Variants in TCERG1L observed in about 807,000 individuals in gnomAD.
The protein encoded by TCERG1L is transcription elongation regulator 1-like protein.
TCERG1L carries 37 observed loss-of-function variants against 56.3 expected under a neutral mutation model. The ratio of observed to expected loss-of-function variants is 0.66; its 90% CI spans 0.51 to 0.87. The LOEUF (loss-of-function observed/expected upper bound fraction) is 0.87, where lower values mean the gene tolerates loss of function less well. Among genes scored for constraint, TCERG1L ranks in the 40% least tolerant of loss-of-function variants. The pLI is 0.00. For synonymous variants in TCERG1L, 324 were observed against 326.3 expected, an observed-to-expected ratio of 0.99 and a Z score of 0.08; for missense variants, 799 against 774.2, an observed-to-expected ratio of 1.03 and a Z score of -0.38.
chr10:131,148,627 T>C (rs1845828985), intron 6 of TCERG1L, among the ~76,000 whole-genome samples: 3 of 151,028 alleles, frequency 2.0e-5, no homozygotes, highest in African/African-American at 4.9e-5. Context: ...GAGACACACA[T>C]GCACACACAC....
chr10:131,095,450 C>T (rs1481848473), intron 11 of TCERG1L: 1 of 152,220 alleles, frequency 6.6e-6, no homozygotes, highest in Non-Finnish European at 1.5e-5. Flanking sequence ...CAGGAGGCTA[C>T]ACAGCCTCAG....
intron 3 of TCERG1L, among the ~76,000 whole-genome samples, chr10:131,292,075 C>T (rs1226852926): frequency 6.6e-6 from 1 of 152,228 alleles, no homozygotes; most frequent in East Asian, 1.9e-4. Context: ...AGTATATAAC[C>T]AAGTAGGATT....
In TCERG1L at chr10:131,116,889, C is replaced by T. The variant is rs760903688; in HGVS notation, c.1305G>A (p.Glu435=). ...GGGGCGGCGTCCTTGTGCCTTTGTC[C>T]TCTCTCTTTGCCTCCTCTGGCTTGG... ...GSPKPEEAKR[E]DKGTRTPPPQ... Residue 435 remains glutamate (E), a synonymous_variant, in exon 9 of 12, where the codon GAG becomes GAA. Coordinates refer to ENST00000368642, the MANE Select transcript of TCERG1L (RefSeq NM_174937.4). 2.8e-5 allele frequency: 45 copies of T among 1,603,736 alleles called. No homozygotes were observed. The Admixed American group carries it at 7.3e-4, about 26-fold the overall frequency.
chr10:131,212,310 C>T (rs182482989), intron 4 of TCERG1L, among the ~76,000 whole-genome samples: 8 of 152,344 alleles, frequency 5.3e-5, no homozygotes, highest in African/African-American at 1.9e-4. Flanking sequence ...AGGGAGCATC[C>T]TTTTTGGTGT....
At chr10:131,168,228 G>A (rs900955293) in intron 4 of TCERG1L, among the ~76,000 whole-genome samples, 13 of 152,314 alleles carry the variant, frequency 8.5e-5, no homozygotes, top group Middle Eastern at 6.8e-3. Flanking sequence ...CAAGCTACAC[G>A]TCTGTGCTTG....
chr10:131,281,019 A>T (rs1846446142), intron 3 of TCERG1L, among the ~76,000 whole-genome samples: 1 of 152,228 alleles, frequency 6.6e-6, no homozygotes, highest in African/African-American at 2.4e-5. Context: ...GTCATTTTTA[A>T]AAGGCATTAT....
At chr10:131,205,335 C>T (rs1048101141) in intron 4 of TCERG1L, among the ~76,000 whole-genome samples, 2 of 146,626 alleles carry the variant, frequency 1.4e-5, no homozygotes, top group East Asian at 2.0e-4. Context: ...AGCTATGAAA[C>T]CTAAACAGGT....
At chr10:131,137,808 CT>C (rs1387001542) in intron 7 of TCERG1L, among the ~76,000 whole-genome samples, 1 of 152,146 alleles carries the variant, frequency 6.6e-6, no homozygotes, top group African/African-American at 2.4e-5. Context: ...ATTTAACAGA[CT>C]TAGAGAATAC....
intron 11 of TCERG1L, among the ~76,000 whole-genome samples, chr10:131,098,085 C>T (rs1431936628): frequency 2.6e-5 from 4 of 152,134 alleles, no homozygotes. Flanking sequence ...AGCAAATAGC[C>T]CACTTTCCCA....
intron 10 of TCERG1L, among the ~76,000 whole-genome samples, chr10:131,101,578 G>A (rs943499185): frequency 4.6e-5 from 7 of 152,116 alleles, no homozygotes; most frequent in Non-Finnish European, 7.4e-5. Context: ...TGCCACACAC[G>A]CCACACACGC....
At chr10:131,274,202 T>C (rs1397249174) in intron 3 of TCERG1L, among the ~76,000 whole-genome samples, 1 of 152,108 alleles carries the variant, frequency 6.6e-6, no homozygotes, top group Non-Finnish European at 1.5e-5. Flanking sequence ...TTTCAGAAAA[T>C]ATCCACATTT....
chr10:131,203,619 A>T (rs1845479056), intron 4 of TCERG1L, among the ~76,000 whole-genome samples: 1 of 152,170 alleles, frequency 6.6e-6, no homozygotes, highest in Admixed American at 6.5e-5. Flanking sequence ...ACCGCAAACG[A>T]TTCAGGGACA....
intron 3 of TCERG1L, among the ~76,000 whole-genome samples, chr10:131,291,504 G>A (rs1229162354): frequency 7.8e-6 from 1 of 128,496 alleles, no homozygotes; most frequent in Non-Finnish European, 1.6e-5. Flanking sequence ...TCGGCTCACT[G>A]CAAGCTCCGC....
intron 4 of TCERG1L, among the ~76,000 whole-genome samples, chr10:131,202,918 C>T (rs1312701540): frequency 6.6e-6 from 1 of 152,124 alleles, no homozygotes; most frequent in African/African-American, 2.4e-5. Context: ...TCTGTGGAAA[C>T]GTACACCTCA....
intron 4 of TCERG1L, among the ~76,000 whole-genome samples, chr10:131,206,334 G>T (rs1042110527): frequency 4.6e-5 from 7 of 152,128 alleles, no homozygotes; most frequent in African/African-American, 1.7e-4. Context: ...CTCCAAGGGG[G>T]TCCTGGAGTG....
intron 3 of TCERG1L, among the ~76,000 whole-genome samples, chr10:131,266,242 T>G (rs1846284505): frequency 6.6e-6 from 1 of 152,228 alleles, no homozygotes; most frequent in African/African-American, 2.4e-5. Flanking sequence ...TCTTGCTGTT[T>G]CCACCACATC....
chr10:131,100,746 G>A (rs920586985), intron 10 of TCERG1L, among the ~76,000 whole-genome samples: 9 of 152,188 alleles, frequency 5.9e-5, no homozygotes, highest in African/African-American at 2.2e-4. Flanking sequence ...CCATGAAAAC[G>A]CTGTGTGACA....
In TCERG1L at chr10:131,111,625, G is replaced by A. The variant is rs919273565; in HGVS notation, c.1395+5174C>T. On this transcript the variant is annotated intron_variant, in intron 9 of 11. Coordinates refer to ENST00000368642, the MANE Select transcript of TCERG1L (RefSeq NM_174937.4). ...ACAATTACCCTCTCTCAATGACCCT[G>A]CAGCTGGACCTTTGAAATACGGTCA... 4.9e-5 allele frequency among the ~76,000 whole-genome samples: 7 copies of A among 142,640 alleles called. 1 individual carries two copies. The highest frequency in any genetic ancestry group is 9.5e-5 in the Non-Finnish European group (6 of 63,446). 93.6% of individuals were successfully genotyped at this position (142,640 alleles called of 152,430 possible).
intron 10 of TCERG1L, among the ~76,000 whole-genome samples, chr10:131,100,153 C>G (rs1845291689): frequency 1.3e-5 from 2 of 152,166 alleles, no homozygotes; most frequent in Admixed American, 6.5e-5. Flanking sequence ...AGGTGTGAGC[C>G]ACCACGCCAA....
Sources: gnomAD v4.1 joint callset for allele counts (sites outside exome capture counted in the v4.1 genomes callset) on GRCh38, gnomAD v4.1.1 for gene constraint, MANE v1.5 for transcripts, NCBI Gene and HGNC (gene_info 2026-07-23, HGNC 2026-07-21) for gene names.